Variants in INVS observed in about 807,000 individuals in gnomAD.
INVS encodes the protein inversion of embryo turning homolog.
A neutral mutation model predicts 108.8 loss-of-function variants in INVS; 86 were observed. The ratio of observed to expected loss-of-function variants is 0.79; its 90% CI spans 0.66 to 0.95. The LOEUF is 0.95. Among genes scored for constraint, INVS ranks in the 40% least tolerant of loss-of-function variants. The probability of loss-of-function intolerance (pLI) is 0.00; values close to 1 mark genes in which losing one functional copy is unlikely to be tolerated. For synonymous variants in INVS, 455 were observed against 473.5 expected (o/e 0.96, Z 0.51); for missense variants, 1,169 against 1,297.4 (o/e 0.90, Z 1.52).
rs766040970 is a variant in INVS at position 100,292,638 on chromosome 9, G to A, written c.2381G>A (p.Arg794His). Residue 794 changes from arginine to histidine, a missense_variant, in exon 14 of 17, where the codon CGC becomes CAC. Arg to His is a conservative substitution (Grantham distance 29, BLOSUM62 0). Around this residue, in one of 3 missense-constraint regions of INVS, gnomAD observed 533 missense variants for 536.0 expected, o/e 0.99. Transcript: ENST00000262457. The part of the protein sequence containing the change: ...PKAKCAPQKR[R>H]TQELRGGRCS... ...GCCAAATGTGCCCCCCAGAAAAGGC[G>A]CACTCAAGAGCTCAGAGGAGGAAGG... 9 of 1,614,070 alleles carry A rather than the reference G, an allele frequency of 5.6e-6. No homozygotes were observed. Among genetic ancestry groups the A allele is most frequent in the East Asian group, 2.2e-5 (1 of 44,890 alleles).
intron 3 of INVS, among the ~76,000 whole-genome samples, chr9:100,143,519 G>A (rs1309887014): frequency 6.6e-6 from 1 of 151,974 alleles, no homozygotes; most frequent in East Asian, 1.9e-4. Context: ...GAGGGAGTAG[G>A]GGTGTCTTAT....
rs1828946101 is a variant in INVS at position 100,155,460 on chromosome 9, CCTAGTAG to C, written c.273+28914_273+28920del. 2.6e-5 allele frequency among the ~76,000 whole-genome samples: 4 copies of C among 152,124 alleles called. No individual in the cohort carries two copies. The South Asian group carries it at 6.2e-4, about 24-fold the overall frequency. ...CAAGTGATTCTCCTGCCTGCACCTC[CCTAGTAG>C]CTGGGATTACAGGCACGCACCACCA... On this transcript the variant is annotated intron_variant, in intron 3 of 16. Transcript: ENST00000262457.
chr9:100,187,629 C>T (rs1041717313), intron 3 of INVS, among the ~76,000 whole-genome samples: 4 of 150,668 alleles, frequency 2.7e-5, no homozygotes, highest in African/African-American at 9.8e-5. Context: ...CAGGTTCAAG[C>T]GATTCTCCTG....
chr9:100,246,363 G>A (rs1025436559), intron 7 of INVS, among the ~76,000 whole-genome samples: 9 of 152,256 alleles, frequency 5.9e-5, no homozygotes, highest in East Asian at 1.9e-4. Context: ...TCCATTTTGA[G>A]GATGTTGAAT....
chr9:100,194,281 C>T (rs1830310886), intron 3 of INVS, among the ~76,000 whole-genome samples: 1 of 152,142 alleles, frequency 6.6e-6, no homozygotes, highest in African/African-American at 2.4e-5. Flanking sequence ...TAAATAAAGC[C>T]ATTTATTCCA....
chr9:100,121,565 A>C (rs1356034509), intron 2 of INVS, among the ~76,000 whole-genome samples: 1 of 152,204 alleles, frequency 6.6e-6, no homozygotes, highest in Non-Finnish European at 1.5e-5. Context: ...TAGTGATGTC[A>C]TTCTTGATAC....
chr9:100,254,431 T>C (rs1245421733), intron 10 of INVS, among the ~76,000 whole-genome samples: 4 of 152,182 alleles, frequency 2.6e-5, no homozygotes, highest in Non-Finnish European at 5.9e-5. Context: ...TTAGATCCCA[T>C]TTGTCAATTT....
intron 12 of INVS, among the ~76,000 whole-genome samples, chr9:100,281,971 A>T (rs1833293412): frequency 6.6e-6 from 1 of 152,172 alleles, no homozygotes; most frequent in African/African-American, 2.4e-5. Flanking sequence ...CTGCTCAAAT[A>T]ACAAAGTCTA....
chr9:100,293,085 C>CT, intron 14 of INVS, 42 bp downstream of exon 14: 1 of 1,542,628 alleles, frequency 6.5e-7, no homozygotes, highest in African/African-American at 1.4e-5. Context: ...TTCTTTGTTA[C>CT]TGATATTCTC....
At position 100,226,246 on chromosome 9, in the gene INVS, C is replaced by G; in HGVS notation, c.447+11C>G. 1 of 1,611,304 alleles carries G rather than the reference C, an allele frequency of 6.2e-7. No homozygotes were observed. Among genetic ancestry groups the G allele is most frequent in the Non-Finnish European group, 8.5e-7 (1 of 1,178,214 alleles). The stretch of plus-strand genomic sequence containing the variant: ...CAGGATAAAAACAAGGTAATGGATA[C>G]TCAAAATCAAAGACTAATAAGACCA... On this transcript the variant is annotated intron_variant, in intron 4 of 16. Coordinates refer to ENST00000262457, the MANE Select transcript of INVS (RefSeq NM_014425.5).
chr9:100,118,504 CAGCCCCAATTTTTGTTTTTTATA>C (rs1827622591), intron 2 of INVS, among the ~76,000 whole-genome samples: 1 of 151,552 alleles, frequency 6.6e-6, no homozygotes, highest in Non-Finnish European at 1.5e-5. Flanking sequence ...CCACCACACC[CAGCCCCAATTTTTGTTTTTTATA>C]AGCCTCCCAG....
chr9:100,284,647 T>G, intron 13 of INVS, 44 bp downstream of exon 13: 1 of 1,594,192 alleles, frequency 6.3e-7, no homozygotes, highest in Non-Finnish European at 8.6e-7. Flanking sequence ...CCATGGACTG[T>G]GGGCTTTTTT....
At chr9:100,104,080 C>T (rs1302282770) in intron 1 of INVS, among the ~76,000 whole-genome samples, 1 of 152,044 alleles carries the variant, frequency 6.6e-6, no homozygotes, top group African/African-American at 2.4e-5. Context: ...TAAATATTGT[C>T]TTTGTTTTTT....
intron 3 of INVS, among the ~76,000 whole-genome samples, chr9:100,183,745 C>A (rs942806324): frequency 2.1e-5 from 3 of 141,560 alleles, no homozygotes; most frequent in African/African-American, 8.0e-5. Context: ...GAGCCGAGAT[C>A]GCGCCACTGT....
chr9:100,298,103 A>T, intron 16 of INVS, 93 bp downstream of exon 16: 1 of 1,600,130 alleles, frequency 6.2e-7, no homozygotes, highest in Non-Finnish European at 8.5e-7. Context: ...ATTAGAACAG[A>T]TATGGCCAGG....
chr9:100,244,227 T>G (rs1028751807), intron 7 of INVS, among the ~76,000 whole-genome samples: 2 of 152,196 alleles, frequency 1.3e-5, no homozygotes, highest in Non-Finnish European at 2.9e-5. Flanking sequence ...GACAAATCAT[T>G]ATCTATTATC....
chr9:100,165,637 G>T (rs1221335706), intron 3 of INVS, among the ~76,000 whole-genome samples: 1 of 151,880 alleles, frequency 6.6e-6, no homozygotes, highest in East Asian at 1.9e-4. Context: ...TTATGAACAA[G>T]GCCTAGAATT....
At chr9:100,119,039 G>A (rs1371187200) in intron 2 of INVS, among the ~76,000 whole-genome samples, 1 of 152,212 alleles carries the variant, frequency 6.6e-6, no homozygotes, top group Non-Finnish European at 1.5e-5. Flanking sequence ...TCATGTCTGT[G>A]TGTGTCTATT....
intron 13 of INVS, among the ~76,000 whole-genome samples, chr9:100,290,950 C>T (rs1458495213): frequency 2.0e-5 from 3 of 152,090 alleles, no homozygotes; most frequent in Non-Finnish European, 4.4e-5. Context: ...TTGGCTCAAG[C>T]AATCCTCTTG....
Sources: allele counts gnomAD v4.1 joint callset (sites outside exome capture counted in the v4.1 genomes callset), GRCh38; gene constraint gnomAD v4.1.1; regional missense constraint gnomAD v4.1.1; transcripts MANE v1.5; gene names NCBI Gene and HGNC (gene_info 2026-07-23, HGNC 2026-07-21).